Variants in MCCC1 observed in about 807,000 individuals in gnomAD.
The protein encoded by MCCC1 is methylcrotonyl-CoA carboxylase subunit 1.
Under a neutral mutation model 83.8 loss-of-function variants are expected in MCCC1, and 64 were observed. The ratio of observed to expected loss-of-function variants is 0.76; its 90% CI spans 0.62 to 0.94. The LOEUF (loss-of-function observed/expected upper bound fraction) is 0.94. MCCC1 is among the 40% of genes least tolerant of loss of function. The pLI, the probability that MCCC1 is intolerant of heterozygous loss-of-function variation, is 0.00. For missense variants in MCCC1, 807 were observed against 904.7 expected (o/e 0.89, Z 1.39); for synonymous variants, 322 against 315.4 (o/e 1.02, Z -0.22).
chr3:183,107,260 T>C (rs995457290), intron 1 of MCCC1, among the ~76,000 whole-genome samples: 1 of 151,576 alleles, frequency 6.6e-6, no homozygotes, highest in African/African-American at 2.4e-5. Flanking sequence ...AAAAAAAAAT[T>C]AGCTGGGCAT....
intron 14 of MCCC1, among the ~76,000 whole-genome samples, chr3:183,031,529 G>A (rs747720230): frequency 3.9e-5 from 4 of 102,826 alleles, no homozygotes; most frequent in Admixed American, 1.6e-4. Flanking sequence ...ACAGGGTCCC[G>A]CTCTGTCGCC....
chr3:183,053,424 G>A (rs991939706), intron 8 of MCCC1, among the ~76,000 whole-genome samples: 2 of 152,086 alleles, frequency 1.3e-5, no homozygotes, highest in South Asian at 4.2e-4. Flanking sequence ...AGAGGTCAGG[G>A]GTCTAGTGAA....
At chr3:183,042,646 C>T (rs566575856) in intron 10 of MCCC1, among the ~76,000 whole-genome samples, 100 of 28,390 alleles carry the variant, frequency 3.5e-3, no homozygotes, top group Middle Eastern at 0.026. Context: ...TGAAAGGAAA[C>T]GGAACTAAGT....
intron 14 of MCCC1, among the ~76,000 whole-genome samples, chr3:183,031,978 A>C (rs557411237): frequency 6.6e-6 from 1 of 152,040 alleles, no homozygotes; most frequent in South Asian, 2.1e-4. Flanking sequence ...CTGGTCTCTT[A>C]AGCTTCCTGT....
intron 7 of MCCC1, among the ~76,000 whole-genome samples, chr3:183,070,437 T>C (rs533206045): frequency 6.6e-6 from 1 of 152,166 alleles, no homozygotes; most frequent in Non-Finnish European, 1.5e-5. Flanking sequence ...TATTAGTGTA[T>C]AAGATTCTAT....
upstream of MCCC1, chr3:183,099,667 G>T (rs368539340): frequency 2.3e-5 from 14 of 609,142 alleles, no homozygotes; most frequent in African/African-American, 5.6e-5. Context: ...CCACGTGCTC[G>T]TGGGGGTGTG....
At chr3:183,096,439 A>G (rs1718741962) in intron 1 of MCCC1, among the ~76,000 whole-genome samples, 1 of 152,246 alleles carries the variant, frequency 6.6e-6, no homozygotes, top group Admixed American at 6.5e-5. Flanking sequence ...AGATGTGGTT[A>G]TAAAGGACTA....
intron 14 of MCCC1, among the ~76,000 whole-genome samples, chr3:183,026,745 G>A (rs1372766257): frequency 2.0e-5 from 3 of 152,136 alleles, no homozygotes; most frequent in Non-Finnish European, 4.4e-5. Flanking sequence ...GTAAAGAGAA[G>A]TTTTTGGTTG....
intron 1 of MCCC1, among the ~76,000 whole-genome samples, chr3:183,107,536 TG>T (rs199577421): frequency 0.018 from 2,574 of 146,922 alleles, 72 homozygotes; most frequent in African/African-American, 0.064. Flanking sequence ...TATTATTATT[TG>T]TTGTTGTTGT....
intron 1 of MCCC1, among the ~76,000 whole-genome samples, chr3:183,112,876 C>T (rs1417689036): frequency 6.6e-6 from 1 of 151,460 alleles, no homozygotes; most frequent in East Asian, 1.9e-4. Flanking sequence ...AAGTTGGAGA[C>T]CAGCCTGGCA....
At chr3:183,077,158 G>A (rs1290851026) in intron 4 of MCCC1, among the ~76,000 whole-genome samples, 1 of 152,120 alleles carries the variant, frequency 6.6e-6, no homozygotes, top group Non-Finnish European at 1.5e-5. Flanking sequence ...CATTTGCATT[G>A]TTCCTACTTT....
chr3:183,087,512 G>A (rs1053082736), intron 3 of MCCC1, among the ~76,000 whole-genome samples: 3 of 152,140 alleles, frequency 2.0e-5, no homozygotes, highest in African/African-American at 7.2e-5. Context: ...TGCTGTAGGA[G>A]GAAGGCCTGA....
chr3:183,017,021 T>G, intron 18 of MCCC1: 2 of 540,442 alleles, frequency 3.7e-6, no homozygotes, highest in Non-Finnish European at 6.6e-6. Flanking sequence ...GATTATCGCC[T>G]GATTCCAAGC....
chr3:183,048,670 T>A (rs1714734524), intron 9 of MCCC1, among the ~76,000 whole-genome samples: 1 of 152,206 alleles, frequency 6.6e-6, no homozygotes, highest in African/African-American at 2.4e-5. Context: ...CACCCATCTG[T>A]TATTAAATAG....
At chr3:183,034,542 G>A (rs6443845) in intron 13 of MCCC1, among the ~76,000 whole-genome samples, 135,621 of 150,966 alleles carry the variant, frequency 0.9, 61,226 homozygotes, top group East Asian at 1. Context: ...TTAAAGGGCT[G>A]GTTTTGTTTA....
At chr3:183,078,872 G>A (rs924324781) in intron 4 of MCCC1, among the ~76,000 whole-genome samples, 12 of 152,196 alleles carry the variant, frequency 7.9e-5, no homozygotes, top group African/African-American at 2.4e-4. Flanking sequence ...CAATCATGGC[G>A]GAAGGCAGGG....
At chr3:183,077,433 G>A (rs73053926) in intron 4 of MCCC1, among the ~76,000 whole-genome samples, 1,695 of 152,194 alleles carry the variant, frequency 0.011, 35 homozygotes, top group African/African-American at 0.039. Context: ...TAGCATCCTA[G>A]TGAGTATGAA....
intron 13 of MCCC1, among the ~76,000 whole-genome samples, chr3:183,034,777 C>CTTTTTTTTTTTTTTTTTT (rs397963844): frequency 1.4e-5 from 2 of 143,894 alleles, no homozygotes; most frequent in Non-Finnish European, 3.0e-5. Context: ...CCTTATAGGC[C>CTTTTTTTTTTTTTTTTTT]TTTTTTTTTT....
chr3:183,022,412 A>G lies in MCCC1; in HGVS notation c.1869+5T>C, dbSNP rs1712229317. 2 of 1,614,020 alleles carry G rather than the reference A, an allele frequency of 1.2e-6. No homozygotes were observed. The highest frequency in any genetic ancestry group is 2.7e-5 in the African/African-American group (2 of 75,038). On this transcript the variant is annotated splice_donor_5th_base_variant and intron_variant, in intron 16 of 18. Transcript: ENST00000265594. ...AGGAGGGATATTATAAAGAAGAGACATTACCTTGGAAAATAGGTAAATAGT... is the reference window on the plus strand; with the variant it reads ...AGGAGGGATATTATAAAGAAGAGACGTTACCTTGGAAAATAGGTAAATAGT...
Sources: allele counts gnomAD v4.1 joint callset (sites outside exome capture counted in the v4.1 genomes callset), GRCh38; gene constraint gnomAD v4.1.1; transcripts MANE v1.5; gene names NCBI Gene and HGNC (gene_info 2026-07-23, HGNC 2026-07-21).